Variants in ANKH observed in about 807,000 individuals in gnomAD.
ANKH encodes the protein ANKH inorganic pyrophosphate transport regulator.
Under a neutral mutation model 49.0 loss-of-function variants are expected in ANKH, and 15 were observed. The ratio of observed to expected loss-of-function variants is 0.31; its 90% CI spans 0.20 to 0.47. The LOEUF is 0.47. Ranked by LOEUF, ANKH falls within the 20% of genes least tolerant of loss-of-function variation. The pLI is 1.00. For synonymous variants in ANKH, 273 were observed against 260.0 expected (o/e 1.05, Z -0.48); for missense variants, 429 against 652.0 (o/e 0.66, Z 3.72).
intron 8 of ANKH, among the ~76,000 whole-genome samples, chr5:14,726,067 C>T (rs959224004): frequency 6.6e-6 from 1 of 152,164 alleles, no homozygotes; most frequent in African/African-American, 2.4e-5. Context: ...GGGCAGCTTT[C>T]AGAAAGTGGC....
Position 14,709,526 on chromosome 5 carries a change from T to C in ANKH, c.*1671A>G, listed in dbSNP as rs1737077055. On this transcript the variant is annotated 3_prime_UTR_variant, in exon 12 of 12. Transcript: ENST00000284268. Reference sequence around the variant, plus strand: ...TCACAGCTAACATTATGCCCTTGCATTCTTTTTTGCTGTGAGGAACAATAT... The same window carrying C: ...TCACAGCTAACATTATGCCCTTGCACTCTTTTTTGCTGTGAGGAACAATAT... 1 of 152,212 alleles carries C rather than the reference T, an allele frequency of 6.6e-6. No homozygotes were observed. The highest frequency in any genetic ancestry group is 2.4e-5 in the African/African-American group (1 of 41,456). The allele number at this position is 152,212 out of a possible 1,614,324, so 9.4% of individuals were successfully genotyped here. A position where few individuals can be genotyped will look rare whatever the true frequency, so the allele number is the denominator to read the frequency against.
At chr5:14,839,117 C>A (rs888511929) in intron 1 of ANKH, among the ~76,000 whole-genome samples, 2 of 152,024 alleles carry the variant, frequency 1.3e-5, no homozygotes, top group Non-Finnish European at 2.9e-5. Flanking sequence ...AGCTTAATGG[C>A]GGGGAGAGTC....
intron 8 of ANKH, among the ~76,000 whole-genome samples, chr5:14,738,673 A>G (rs901032770): frequency 6.6e-6 from 1 of 152,156 alleles, no homozygotes; most frequent in African/African-American, 2.4e-5. Flanking sequence ...TCATGCCTCT[A>G]ATCCCAGCAT....
chr5:14,749,868 G>C (rs566350822), intron 5 of ANKH, among the ~76,000 whole-genome samples: 183 of 152,170 alleles, frequency 1.2e-3, no homozygotes, highest in Non-Finnish European at 2.3e-3. Flanking sequence ...AAAGAACAAG[G>C]GATTCCTAAG....
chr5:14,776,475 C>T (rs564532715), intron 1 of ANKH, among the ~76,000 whole-genome samples: 13 of 152,256 alleles, frequency 8.5e-5, no homozygotes, highest in East Asian at 1.9e-4. Flanking sequence ...AAAGAGTCCA[C>T]AATTTGGCCC....
At chr5:14,830,686 C>G (rs1741480825) in intron 1 of ANKH, among the ~76,000 whole-genome samples, 2 of 152,300 alleles carry the variant, frequency 1.3e-5, no homozygotes, top group African/African-American at 2.4e-5. Context: ...CTCCAGGCTG[C>G]AGCTCTATTT....
chr5:14,713,013 C>G lies in ANKH; in HGVS notation c.1266-40G>C. ...ACAAAGGCAATTTGTCTGTTAAGGC[C>G]AAGTCAAGGCACAACCGTCGATGCC... On this transcript the variant is annotated intron_variant, in intron 10 of 11. Transcript: ENST00000284268. The surrounding 1 kb of genome is among the most constrained non-coding windows in gnomAD (Gnocchi z 4.4). 1.3e-6 allele frequency: 2 copies of G among 1,575,530 alleles called. No individual in the cohort carries two copies. The highest frequency in any genetic ancestry group is 8.7e-7 in the Non-Finnish European group (1 of 1,153,534).
intron 1 of ANKH, among the ~76,000 whole-genome samples, chr5:14,795,678 A>T (rs977013930): frequency 1.5e-4 from 23 of 152,178 alleles, no homozygotes; most frequent in Admixed American, 5.2e-4. Flanking sequence ...GCGAAACCCC[A>T]TTTTTAGTCT....
Position 14,871,264 on chromosome 5 carries a change from G to A in ANKH, c.96+88C>T, listed in dbSNP as rs774992122. On this transcript the variant is annotated intron_variant, in intron 1 of 11. Coordinates refer to ENST00000284268, the MANE Select transcript of ANKH (RefSeq NM_054027.6). Reference sequence around the variant, plus strand: ...AATGTTTCAGGATAAAGAGGGACTCGGAGCAGGTGACTCCCCTCCGCCCCC... The same window carrying A: ...AATGTTTCAGGATAAAGAGGGACTCAGAGCAGGTGACTCCCCTCCGCCCCC... 3.5e-6 allele frequency: 4 copies of A among 1,155,192 alleles called. No individual in the cohort carries two copies. In the East Asian group the frequency reaches 9.9e-5, roughly 29 times the overall value. 71.6% of individuals were successfully genotyped at this position (1,155,192 alleles called of 1,614,324 possible).
Position 14,741,815 on chromosome 5 carries a change from C to A in ANKH, c.1011+12G>T, listed in dbSNP as rs1554002149. The A allele has an allele frequency of 1.9e-6, 3 of 1,610,132 alleles. No homozygotes were observed. The highest frequency in any genetic ancestry group is 1.7e-4 in the Middle Eastern group (1 of 6,056). ...AACAGAGAGAAGAGGCAGAGAGAGC[C>A]TCTGTCCTTACCGTGAGTGACAGAG... On this transcript the variant is annotated intron_variant, in intron 8 of 11. Transcript: ENST00000284268.
At chr5:14,841,252 A>T (rs1741806920) in intron 1 of ANKH, among the ~76,000 whole-genome samples, 1 of 152,078 alleles carries the variant, frequency 6.6e-6, no homozygotes, top group African/African-American at 2.4e-5. Context: ...TTTTATACTT[A>T]TTTTTTAAAT....
At chr5:14,766,081 G>T (rs910095117) in intron 2 of ANKH, among the ~76,000 whole-genome samples, 18 of 152,180 alleles carry the variant, frequency 1.2e-4, no homozygotes, top group Non-Finnish European at 2.1e-4. Flanking sequence ...TTGTATCAAA[G>T]ATAAGGAAAA....
chr5:14,809,418 G>C (rs1740813490), intron 1 of ANKH, among the ~76,000 whole-genome samples: 1 of 151,556 alleles, frequency 6.6e-6, no homozygotes, highest in African/African-American at 2.4e-5. Context: ...AATTAGCTGG[G>C]TGTGCTCATG....
chr5:14,866,939 G>A (rs999538442), intron 1 of ANKH, among the ~76,000 whole-genome samples: 4 of 152,008 alleles, frequency 2.6e-5, no homozygotes, highest in Non-Finnish European at 4.4e-5. Context: ...GGTGGATCAC[G>A]TGAGCTCAGG....
rs115486555 is a variant in ANKH at position 14,779,772 on chromosome 5, C to T, written c.97-10581G>A. On this transcript the variant is annotated intron_variant, in intron 1 of 11. Coordinates refer to ENST00000284268, the MANE Select transcript of ANKH (RefSeq NM_054027.6). ...CTGTACCTATTCATGTAGTTCTGAT[C>T]GTTTCTCAATAGATGGGTAGGTCTT... Among the ~76,000 whole-genome samples the T allele has an allele frequency of 5.1e-3, 780 of 152,300 alleles. 5 individuals are homozygous for T. The highest frequency in any genetic ancestry group is 0.018 in the African/African-American group (756 of 41,544).
At position 14,709,982 on chromosome 5, in the gene ANKH, A is replaced by G. The variant is rs1169415858; in HGVS notation, c.*1215T>C. The G allele has an allele frequency of 1.3e-5, 2 of 152,230 alleles. No individual in the cohort carries two copies. Among genetic ancestry groups the G allele is most frequent in the African/African-American group, 2.4e-5 (1 of 41,448 alleles). 9.4% of individuals were successfully genotyped at this position (152,230 alleles called of 1,614,324 possible). On this transcript the variant is annotated 3_prime_UTR_variant, in exon 12 of 12. Coordinates refer to ENST00000284268, the MANE Select transcript of ANKH (RefSeq NM_054027.6). ...TAAATCAATTTAGTGAACCGTGTCT[A>G]TAATTTTTTTAAAGGAAAAAACCTG... is the stretch of plus-strand genomic sequence containing the variant.
chr5:14,783,261 G>A (rs1049297759), intron 1 of ANKH, among the ~76,000 whole-genome samples: 1 of 149,636 alleles, frequency 6.7e-6, no homozygotes, highest in African/African-American at 2.5e-5. Context: ...AGAAGACACT[G>A]TGGCACAGAA....
chr5:14,751,006 G>T, intron 5 of ANKH, 63 bp downstream of exon 5: 1 of 1,582,358 alleles, frequency 6.3e-7, no homozygotes, highest in Non-Finnish European at 8.7e-7. Context: ...TTACATAGAG[G>T]TGGAATACAG....
intron 8 of ANKH, among the ~76,000 whole-genome samples, chr5:14,732,272 G>C (rs1192279448): frequency 6.6e-6 from 1 of 152,126 alleles, no homozygotes; most frequent in Non-Finnish European, 1.5e-5. Context: ...GCCTGGGACT[G>C]GGAGGCTGTA....
Sources: gnomAD v4.1 joint callset for allele counts (sites outside exome capture counted in the v4.1 genomes callset) on GRCh38, gnomAD v4.1.1 for gene constraint, Gnocchi (gnomAD v3.1) non-coding constraint, MANE v1.5 for transcripts, NCBI Gene and HGNC (gene_info 2026-07-23, HGNC 2026-07-21) for gene names.